The following DHX29 variants were observed in gnomAD, a reference collection of about 807,000 sequenced individuals.
DHX29 encodes DExH-box helicase 29, also known as ATP-dependent RNA helicase DHX29.
Under a neutral mutation model 167.9 loss-of-function variants are expected in DHX29, and 79 were observed. The ratio of observed to expected loss-of-function variants is 0.47; its 90% confidence interval spans 0.39 to 0.57. The LOEUF (loss-of-function observed/expected upper bound fraction) is 0.57. Ranked by LOEUF, DHX29 falls within the 20% of genes least tolerant of loss-of-function variation. The pLI is 0.00. For missense variants in DHX29, 1,347 were observed against 1,593.4 expected (o/e 0.85, Z 2.63); for synonymous variants, 530 against 546.0 (o/e 0.97, Z 0.41).
chr5:55,284,380 T>G (rs771698390), intron 10 of DHX29, among the ~76,000 whole-genome samples: 2 of 152,216 alleles, frequency 1.3e-5, no homozygotes, highest in Non-Finnish European at 2.9e-5. Flanking sequence ...CTGGATAGAA[T>G]CTAAGTTATC....
At chr5:55,259,274 T>G (rs1746195728) in intron 26 of DHX29, among the ~76,000 whole-genome samples, 1 of 152,210 alleles carries the variant, frequency 6.6e-6, no homozygotes, top group African/African-American at 2.4e-5. Context: ...AAATGAAGTT[T>G]AAAAGAGACA....
chr5:55,283,833 G>A lies in DHX29; in HGVS notation c.1357-22C>T, dbSNP rs184634450. The A allele has an allele frequency of 1.1e-4, 167 of 1,539,152 alleles. No individual in the cohort carries two copies. In the East Asian group the frequency reaches 3.4e-3, roughly 32 times the overall value. On this transcript the variant is annotated intron_variant, in intron 10 of 26. Coordinates refer to ENST00000251636, the MANE Select transcript of DHX29 (RefSeq NM_019030.4). ...CTGACTAAAGGAAAAACAGAGGTAT[G>A]TTATTTTCACTAACTATTCAATATG...
chr5:55,302,782 G>A (rs1020160833), intron 1 of DHX29, among the ~76,000 whole-genome samples: 2 of 152,060 alleles, frequency 1.3e-5, no homozygotes, highest in African/African-American at 2.4e-5. Context: ...AATGATCAGA[G>A]AAATCAAGGA....
rs758647397 is a variant in DHX29 at position 55,274,717 on chromosome 5, A to G, written c.2587T>C (p.Phe863Leu). The change falls in exon 16 of 27, where the codon TTC becomes CTC. Residue 863 changes from phenylalanine (F) to leucine (L), a missense_variant. Transcript: ENST00000251636. ...AATACTGCTCCTTCAATATTTCTGA[A>G]TTGGGGACTTTTATCTGAAATTTTT... ...LLAYLDKSPQ[F>L]RNIEGAVLIF... 1 of 1,589,836 alleles carries G rather than the reference A, an allele frequency of 6.3e-7. No individual in the cohort carries two copies. The highest frequency in any genetic ancestry group is 2.2e-5 in the East Asian group (1 of 44,472).
chr5:55,305,299 T>C (rs1366022950), intron 1 of DHX29, among the ~76,000 whole-genome samples: 2 of 152,242 alleles, frequency 1.3e-5, no homozygotes, highest in South Asian at 2.1e-4. Context: ...TTTAAGGTTT[T>C]GGTAGATGAT....
chr5:55,268,835 T>G lies in DHX29; in HGVS notation c.3294+578A>C, dbSNP rs1746709867. Among the ~76,000 whole-genome samples, 6 of 152,276 alleles carry G rather than the reference T, an allele frequency of 3.9e-5. No homozygotes were observed. The South Asian group carries it at 1.2e-3, about 32-fold the overall frequency. ...ACAAAAAAGGAAAGAAAAAAAGTTT[T>G]TAATTTTACTTTTCAAAGCTGGTAG... On this transcript the variant is annotated intron_variant, in intron 21 of 26. Transcript: ENST00000251636.
Position 55,256,389 on chromosome 5 carries a change from T to C in DHX29, c.*99A>G. 9.2e-7 allele frequency: 1 copy of C among 1,082,288 alleles called. No homozygotes were observed. The allele number at this position is 1,082,288 out of a possible 1,614,324, so 67.0% of individuals were successfully genotyped here. On this transcript the variant is annotated 3_prime_UTR_variant, in exon 27 of 27. Transcript: ENST00000251636. ...TAAGTTAATGGCTAGTACCAACATT[T>C]TAAGTAATGAAATACTTAATGTGAT...
chr5:55,269,543 T>A lies in DHX29; in HGVS notation c.3164A>T (p.Lys1055Ile). Residue 1055 changes from lysine (K) to isoleucine (I), a missense_variant, in exon 21 of 27, where the codon AAA becomes ATA. Lys to Ile is a moderately radical substitution (Grantham distance 102). Transcript: ENST00000251636. ...CTCATTTAATTCACAAGCTCCAATT[T>A]TTCGGAGCAAATTCATTGCATTGCT... is the stretch of plus-strand genomic sequence containing the variant. The part of the protein sequence containing the change: ...VISNAMNLLR[K>I]IGACELNEPK... 6.2e-7 allele frequency: 1 copy of A among 1,614,064 alleles called. No homozygotes were observed. Among genetic ancestry groups the A allele is most frequent in the Non-Finnish European group, 8.5e-7 (1 of 1,180,006 alleles).
At position 55,285,829 on chromosome 5, in the gene DHX29, A is replaced by C; in HGVS notation, c.1099T>G (p.Phe367Val). The C allele has an allele frequency of 1.3e-6, 2 of 1,580,060 alleles. No homozygotes were observed. Among genetic ancestry groups the C allele is most frequent in the Non-Finnish European group, 1.7e-6 (2 of 1,160,300 alleles). The change falls in exon 9 of 27, where the codon TTT becomes GTT. Residue 367 changes from phenylalanine (F) to valine (V), a missense_variant. This residue lies in a region of DHX29 where 60 missense variants were observed against 94.2 expected (regional missense o/e 0.64). Coordinates refer to ENST00000251636, the MANE Select transcript of DHX29 (RefSeq NM_019030.4). ...GTCCAACTTCGAGCAGTATAGTCAA[A>C]ATTTCTTACATCATGAGGTTCTTTC... Reference protein sequence around the residue: ...KKKEPHDVRNFDYTARSWTGK... With the variant: ...KKKEPHDVRNVDYTARSWTGK...
chr5:55,289,375 G>A lies in DHX29; in HGVS notation c.961C>T (p.His321Tyr), dbSNP rs1425607999. The A allele has an allele frequency of 1.2e-6, 2 of 1,600,710 alleles. No individual in the cohort carries two copies. The highest frequency in any genetic ancestry group is 2.3e-5 in the South Asian group (2 of 87,692). ...PVFNPAMKIS[H>Y]QQNERKKPPV... ...GGCTTTTTCCTTTCATTTTGTTGAT[G>A]TGAAATCTTCATGGCTGGGTTAAAT... Residue 321 changes from histidine to tyrosine, a missense_variant, in exon 8 of 27, where the codon CAT becomes TAT. By Grantham distance (83) the His-to-Tyr change is moderately conservative. Transcript: ENST00000251636.
At chr5:55,278,737 G>A (rs1026561671) in intron 12 of DHX29, among the ~76,000 whole-genome samples, 19 of 152,162 alleles carry the variant, frequency 1.2e-4, no homozygotes, top group South Asian at 2.1e-4. Context: ...AGGAAGAAAC[G>A]GGATGAAAAA....
intron 17 of DHX29, 72 bp from the exon 18 acceptor site, chr5:55,272,247 T>A: frequency 1.1e-6 from 1 of 941,844 alleles, no homozygotes; most frequent in Non-Finnish European, 1.6e-6. Context: ...ATTTCTTTAG[T>A]TTGAGCTGAT....
chr5:55,282,313 G>A (rs973927931), intron 11 of DHX29, among the ~76,000 whole-genome samples: 3 of 152,118 alleles, frequency 2.0e-5, no homozygotes, highest in Non-Finnish European at 2.9e-5. Flanking sequence ...AAAGCAGCTA[G>A]TATCATACTA....
chr5:55,281,417 T>C lies in DHX29; in HGVS notation c.2064A>G (p.Gln688=). The C allele has an allele frequency of 6.2e-7, 1 of 1,603,112 alleles. No homozygotes were observed. ...ACACATTACTTAGAAGACCATCTTCTTGAAGTTTCCTTAGCAAAACCCCTG... is the reference window on the plus strand; with the variant it reads ...ACACATTACTTAGAAGACCATCTTCCTGAAGTTTCCTTAGCAAAACCCCTG... The part of the protein sequence containing the change: ...CTTGVLLRKL[Q]EDGLLSNVSH... The change falls in exon 12 of 27, where the codon CAA becomes CAG. Residue 688 remains glutamine (Q), a synonymous_variant. Transcript: ENST00000251636.
At chr5:55,306,765 A>T (rs548519656) in intron 1 of DHX29, among the ~76,000 whole-genome samples, 1 of 152,216 alleles carries the variant, frequency 6.6e-6, no homozygotes, top group Admixed American at 6.5e-5. Context: ...CTCAACCGTA[A>T]TATGTGGCCT....
chr5:55,281,395 C>T lies in DHX29; in HGVS notation c.2086G>A (p.Val696Met). The change falls in exon 12 of 27, where the codon GTG becomes ATG. Residue 696 changes from valine (V) to methionine (M), a missense_variant. Physicochemically the swap from Val to Met is conservative, Grantham distance 21. Transcript: ENST00000251636. ...ACCTCATCTACAATAACATGAGACACATTACTTAGAAGACCATCTTCTTGA... is the reference window on the plus strand; with the variant it reads ...ACCTCATCTACAATAACATGAGACATATTACTTAGAAGACCATCTTCTTGA... ...KLQEDGLLSN[V>M]SHVIVDEVHE... 3 of 1,601,082 alleles carry T rather than the reference C, an allele frequency of 1.9e-6. No individual in the cohort carries two copies. The highest frequency in any genetic ancestry group is 2.6e-6 in the Non-Finnish European group (3 of 1,173,806).
chr5:55,291,057 T>C (rs118180935), intron 6 of DHX29, among the ~76,000 whole-genome samples: 2 of 152,172 alleles, frequency 1.3e-5, no homozygotes, highest in Admixed American at 1.3e-4. Context: ...AAAGGATTAT[T>C]CATGCAGTAA....
intron 23 of DHX29, among the ~76,000 whole-genome samples, chr5:55,265,720 T>A (rs1746526254): frequency 6.7e-6 from 1 of 149,950 alleles, no homozygotes. Context: ...ACTTAAACAC[T>A]GTCTGTATCT....
In DHX29 at chr5:55,290,238, T is replaced by C. The variant is rs752873014; in HGVS notation, c.887A>G (p.Lys296Arg). The change falls in exon 7 of 27, where the codon AAA (lysine) becomes AGA (arginine). Residue 296 changes from lysine to arginine, a missense_variant. Lys to Arg is a conservative substitution (Grantham distance 26). Coordinates refer to ENST00000251636, the MANE Select transcript of DHX29 (RefSeq NM_019030.4). ...TTTACCTCTTTGAAATTTCCTTATT[T>C]TTTCCTGAGCCTCTTTTTGGCCTTG... The part of the protein sequence containing the change: ...NKQGQKEAQE[K>R]IRKFQREMET... The C allele has an allele frequency of 3.1e-6, 5 of 1,609,234 alleles. No homozygotes were observed.
Sources: allele counts gnomAD v4.1 joint callset (sites outside exome capture counted in the v4.1 genomes callset), GRCh38; gene constraint gnomAD v4.1.1; regional missense constraint gnomAD v4.1.1; transcripts MANE v1.5; gene names NCBI Gene and HGNC (gene_info 2026-07-23, HGNC 2026-07-21).